Variants in DNAH11 observed in about 807,000 individuals in gnomAD.
The protein encoded by DNAH11 is axonemal beta dynein heavy chain 11.
A neutral mutation model predicts 526.0 loss-of-function variants in DNAH11; 442 were observed. The ratio of observed to expected loss-of-function variants is 0.84; its 90% confidence interval spans 0.78 to 0.91. The LOEUF (loss-of-function observed/expected upper bound fraction) is 0.91, where lower values mean the gene tolerates loss of function less well. Among genes scored for constraint, DNAH11 ranks in the 40% least tolerant of loss-of-function variants. DNAH11 has a pLI of 0.00. For missense variants in DNAH11, 6,989 were observed against 5,448.7 expected (o/e 1.28, Z -8.90); for synonymous variants, 2,461 against 1,935.9 (o/e 1.27, Z -7.12).
At chr7:21,578,933 G>A (rs753437647) in intron 8 of DNAH11, among the ~76,000 whole-genome samples, 1 of 152,100 alleles carries the variant, frequency 6.6e-6, no homozygotes, top group Non-Finnish European at 1.5e-5. Context: ...CATATAATGG[G>A]CTACTTAGTG....
chr7:21,836,996 C>G (rs537630437), intron 65 of DNAH11, among the ~76,000 whole-genome samples: 7 of 152,196 alleles, frequency 4.6e-5, no homozygotes, highest in Admixed American at 1.3e-4. Flanking sequence ...GAAAAATATT[C>G]CACATCACTA....
Position 21,601,022 on chromosome 7 carries a change from G to C in DNAH11, c.3268G>C (p.Glu1090Gln). 1 of 1,611,066 alleles carries C rather than the reference G, an allele frequency of 6.2e-7. No individual in the cohort carries two copies. The highest frequency in any genetic ancestry group is 8.5e-7 in the Non-Finnish European group (1 of 1,179,332). The change falls in exon 17 of 82, where the codon GAA becomes CAA. Residue 1090 changes from glutamate to glutamine, a missense_variant. Coordinates refer to ENST00000409508, the MANE Select transcript of DNAH11 (RefSeq NM_001277115.2). ...TTTCTCACTACAGATTGACATTTAT[G>C]AAGCTTTGTATGTTCAAATGAGCAA... ...EQFKEQIDIY[E>Q]ALYVQMSKFE...
chr7:21,557,087 C>A (rs963159385), intron 2 of DNAH11, among the ~76,000 whole-genome samples: 2 of 151,586 alleles, frequency 1.3e-5, no homozygotes, highest in African/African-American at 4.8e-5. Flanking sequence ...TGAGAACATA[C>A]AGTATTTGGT....
At chr7:21,899,250 C>A in intron 79 of DNAH11, 86 bp from the exon 80 acceptor site, 1 of 1,056,948 alleles carries the variant, frequency 9.5e-7, no homozygotes, top group Non-Finnish European at 1.5e-6. Context: ...CACCACCACC[C>A]TGCCCTAACC....
chr7:21,710,985 T>G (rs1784444826), intron 41 of DNAH11, among the ~76,000 whole-genome samples: 1 of 152,192 alleles, frequency 6.6e-6, no homozygotes, highest in African/African-American at 2.4e-5. Flanking sequence ...TTCTAAGAGG[T>G]AGCCGTAAAT....
At chr7:21,614,073 A>C (rs544622690) in intron 20 of DNAH11, among the ~76,000 whole-genome samples, 1 of 152,088 alleles carries the variant, frequency 6.6e-6, no homozygotes, top group Admixed American at 6.6e-5. Flanking sequence ...CACTGTGCCC[A>C]GCCTCGCAAT....
Position 21,744,879 on chromosome 7 carries a change from A to C in DNAH11, c.8326A>C (p.Ser2776Arg), listed in dbSNP as rs776416139. The change falls in exon 51 of 82, where the codon AGT (serine) becomes CGT (arginine). Residue 2776 changes from serine (S) to arginine (R), a missense_variant. Transcript: ENST00000409508. ...CTTTCTCATCCTGCAGGGTATAGATAGTCACATGCTGCTTCAACAGCCCCT... is the reference window on the plus strand; with the variant it reads ...CTTTCTCATCCTGCAGGGTATAGATCGTCACATGCTGCTTCAACAGCCCCT... Reference protein sequence around the residue: ...TAYKYFEGIDSHMLLQQPLIY... With the variant: ...TAYKYFEGIDRHMLLQQPLIY... 6.2e-7 allele frequency: 1 copy of C among 1,608,898 alleles called. No individual in the cohort carries two copies. Among genetic ancestry groups the C allele is most frequent in the African/African-American group, 1.3e-5 (1 of 74,998 alleles).
chr7:21,782,727 C>T (rs182395149), intron 57 of DNAH11, among the ~76,000 whole-genome samples: 304 of 152,116 alleles, frequency 2.0e-3, no homozygotes, highest in African/African-American at 7.1e-3. Flanking sequence ...GCCTGGCCAA[C>T]ATGGTGAAGC....
intron 76 of DNAH11, among the ~76,000 whole-genome samples, chr7:21,890,850 C>A (rs1323344031): frequency 2.0e-5 from 3 of 152,138 alleles, no homozygotes; most frequent in Non-Finnish European, 4.4e-5. Context: ...TTCCCATATT[C>A]ATCGGGTCAA....
chr7:21,727,742 CAGAA>C (rs1014456840), intron 45 of DNAH11, among the ~76,000 whole-genome samples: 2 of 152,142 alleles, frequency 1.3e-5, no homozygotes, highest in African/African-American at 4.8e-5. Flanking sequence ...TGCCAAATAA[CAGAA>C]AGCCCAGTGC....
At chr7:21,650,096 TAAA>T (rs1240821285) in intron 28 of DNAH11, among the ~76,000 whole-genome samples, 1 of 151,966 alleles carries the variant, frequency 6.6e-6, no homozygotes, top group Non-Finnish European at 1.5e-5. Context: ...AAGTTTATTT[TAAA>T]AAAAACCCAG....
chr7:21,675,509 T>A (rs1782838931), intron 30 of DNAH11, among the ~76,000 whole-genome samples: 1 of 152,264 alleles, frequency 6.6e-6, no homozygotes, highest in Non-Finnish European at 1.5e-5. Flanking sequence ...CAGCATACTT[T>A]CTACTTGCCC....
chr7:21,870,691 G>A (rs1783463298), intron 73 of DNAH11, among the ~76,000 whole-genome samples: 1 of 152,064 alleles, frequency 6.6e-6, no homozygotes, highest in African/African-American at 2.4e-5. Flanking sequence ...TGAGCTATTT[G>A]TTGCCCCTAA....
intron 44 of DNAH11, among the ~76,000 whole-genome samples, chr7:21,721,338 C>T (rs1173114085): frequency 6.6e-6 from 1 of 152,174 alleles, no homozygotes; most frequent in Non-Finnish European, 1.5e-5. Flanking sequence ...TGTGAAATAG[C>T]TGCCAACCCT....
At chr7:21,619,295 A>T in intron 24 of DNAH11, 73 bp downstream of exon 24, 1 of 1,534,988 alleles carries the variant, frequency 6.5e-7, no homozygotes, top group Non-Finnish European at 8.8e-7. Context: ...ACTTAGAGAA[A>T]AGTCCTTTTG....
intron 49 of DNAH11, among the ~76,000 whole-genome samples, chr7:21,743,147 G>A (rs1583650722): frequency 6.6e-6 from 1 of 152,254 alleles, no homozygotes; most frequent in Admixed American, 6.5e-5. Flanking sequence ...TTCAGGCCAT[G>A]GCATATGGTG....
At chr7:21,827,283 T>G (rs1010334714) in intron 65 of DNAH11, among the ~76,000 whole-genome samples, 1 of 152,182 alleles carries the variant, frequency 6.6e-6, no homozygotes, top group African/African-American at 2.4e-5. Flanking sequence ...CGACAGCAAA[T>G]GTATCTGGAA....
intron 26 of DNAH11, among the ~76,000 whole-genome samples, chr7:21,636,939 A>T (rs1222271016): frequency 3.3e-5 from 5 of 152,190 alleles, no homozygotes; most frequent in Non-Finnish European, 2.9e-5. Flanking sequence ...TGTAAAAGCC[A>T]TAGAAAGCAC....
At chr7:21,772,669 T>C (rs1787489538) in intron 55 of DNAH11, among the ~76,000 whole-genome samples, 1 of 152,216 alleles carries the variant, frequency 6.6e-6, no homozygotes, top group East Asian at 1.9e-4. Flanking sequence ...ATTTTTAACT[T>C]TTGTTTTAGT....
Sources: allele counts gnomAD v4.1 joint callset (sites outside exome capture counted in the v4.1 genomes callset), GRCh38; gene constraint gnomAD v4.1.1; transcripts MANE v1.5; gene names NCBI Gene and HGNC (gene_info 2026-07-23, HGNC 2026-07-21).